ABCA13: variants seen among roughly 807,000 people sequenced by gnomAD.
The protein encoded by ABCA13 is ATP binding cassette subfamily A member 13.
A neutral mutation model predicts 478.7 loss-of-function variants in ABCA13; 476 were observed. The observed-to-expected ratio is 0.99, with a 90% CI of 0.92 to 1.07. The LOEUF (loss-of-function observed/expected upper bound fraction) is 1.07, where lower values mean the gene tolerates loss of function less well. ABCA13 is among the 50% of genes least tolerant of loss of function. The pLI, the probability that ABCA13 is intolerant of heterozygous loss-of-function variation, is 0.00. For missense variants in ABCA13, 6,060 were observed against 5,910.6 expected, an observed-to-expected ratio of 1.03 and a Z score of -0.83; for synonymous variants, 2,252 against 2,158.9, an observed-to-expected ratio of 1.04 and a Z score of -1.20.
At chr7:48,184,817 C>G (rs1204779579) in intron 1 of ABCA13, among the ~76,000 whole-genome samples, 1 of 151,942 alleles carries the variant, frequency 6.6e-6, no homozygotes, top group Admixed American at 6.6e-5. Context: ...AAGACTATCT[C>G]AAAAAAATAA....
chr7:48,272,610 G>GGCTCTT lies in ABCA13; in HGVS notation c.2945_2950dup (p.Ser983_Ser984insCysSer), dbSNP rs774274770. On this transcript the variant is annotated inframe_insertion, in exon 17 of 62. Coordinates refer to ENST00000435803, the MANE Select transcript of ABCA13 (RefSeq NM_152701.5). ...TGAATTATTGAATATTCAGAGTAGA[G>GGCTCTT]GCTCTTCGTTGACTTTCCTTACACA... 59 of 1,613,016 alleles carry GGCTCTT rather than the reference G, an allele frequency of 3.7e-5. No homozygotes were observed. Among genetic ancestry groups the GGCTCTT allele is most frequent in the Non-Finnish European group, 2.9e-5 (34 of 1,179,362 alleles).
At chr7:48,482,965 G>C (rs1828925765) in intron 46 of ABCA13, 111 bp from the exon 47 acceptor site, 2 of 751,670 alleles carry the variant, frequency 2.7e-6, no homozygotes, top group Non-Finnish European at 4.2e-6. Context: ...ATGCTCAGTT[G>C]GCTACTGTCC....
At chr7:48,221,222 T>C (rs1251149431) in intron 4 of ABCA13, 59 bp from the exon 5 acceptor site, 3 of 880,258 alleles carry the variant, frequency 3.4e-6, no homozygotes, top group African/African-American at 3.3e-5. Context: ...AGTAGGCATT[T>C]AGCATGTGCT....
At chr7:48,620,547 A>C (rs1461989816) in intron 59 of ABCA13, among the ~76,000 whole-genome samples, 1 of 152,166 alleles carries the variant, frequency 6.6e-6, no homozygotes, top group Admixed American at 6.5e-5. Flanking sequence ...ACAACTAAAA[A>C]TATCTCTTGA....
chr7:48,276,633 A>G, intron 17 of ABCA13, 68 bp downstream of exon 17: 3 of 1,298,704 alleles, frequency 2.3e-6, no homozygotes, highest in Non-Finnish European at 3.3e-6. Context: ...TATTTTCTGG[A>G]GTATAGACAT....
intron 55 of ABCA13, among the ~76,000 whole-genome samples, chr7:48,533,027 T>G (rs1833343469): frequency 6.6e-6 from 1 of 152,124 alleles, no homozygotes; most frequent in Non-Finnish European, 1.5e-5. Context: ...CTTCATTATT[T>G]CTTTTCTTCT....
chr7:48,250,571 A>T lies in ABCA13; in HGVS notation c.2005+1220A>T, dbSNP rs116916890. ...TTAGCAGCTATGTGCCTGTCAGGAAACAATGGCCTAGACCAAATATATATG... is the reference window on the plus strand; with the variant it reads ...TTAGCAGCTATGTGCCTGTCAGGAATCAATGGCCTAGACCAAATATATATG... On this transcript the variant is annotated intron_variant, in intron 15 of 61. Coordinates refer to ENST00000435803, the MANE Select transcript of ABCA13 (RefSeq NM_152701.5). 1.5e-4 allele frequency among the ~76,000 whole-genome samples: 23 copies of T among 152,336 alleles called. No individual in the cohort carries two copies. The East Asian group carries it at 4.4e-3, about 29-fold the overall frequency.
At chr7:48,251,640 AT>A (rs202113523) in intron 15 of ABCA13, among the ~76,000 whole-genome samples, 1 of 152,066 alleles carries the variant, frequency 6.6e-6, no homozygotes, top group African/African-American at 2.4e-5. Flanking sequence ...AAGAAACGGA[AT>A]TTAAAAAAAA....
intron 1 of ABCA13, among the ~76,000 whole-genome samples, chr7:48,173,825 T>C (rs964623302): frequency 1.3e-5 from 2 of 152,244 alleles, no homozygotes; most frequent in Non-Finnish European, 2.9e-5. Context: ...AGTTTGTACA[T>C]GTAATGTGCT....
At chr7:48,604,936 G>C (rs964984883) in intron 58 of ABCA13, among the ~76,000 whole-genome samples, 1 of 152,172 alleles carries the variant, frequency 6.6e-6, no homozygotes, top group Non-Finnish European at 1.5e-5. Flanking sequence ...AAATATTTAG[G>C]ATAGTTAGCT....
At chr7:48,254,597 T>G (rs1249847948) in intron 15 of ABCA13, among the ~76,000 whole-genome samples, 1 of 151,512 alleles carries the variant, frequency 6.6e-6, no homozygotes, top group Non-Finnish European at 1.5e-5. Flanking sequence ...AATGCGACAC[T>G]CTGCATGATT....
chr7:48,261,227 A>C (rs1345838575), intron 15 of ABCA13, among the ~76,000 whole-genome samples: 2 of 151,948 alleles, frequency 1.3e-5, no homozygotes, highest in Non-Finnish European at 2.9e-5. Flanking sequence ...CCTGTCTTCA[A>C]AAAGTTTGGG....
chr7:48,232,723 A>T (rs1302926623), intron 7 of ABCA13, among the ~76,000 whole-genome samples: 1 of 152,212 alleles, frequency 6.6e-6, no homozygotes, highest in Non-Finnish European at 1.5e-5. Context: ...GAAAGATTTT[A>T]TACTTTTATA....
chr7:48,341,928 C>T (rs1045605337), intron 29 of ABCA13, among the ~76,000 whole-genome samples: 31 of 89,758 alleles, frequency 3.5e-4, no homozygotes, highest in South Asian at 2.9e-3. Flanking sequence ...TATATATATA[C>T]TCATATATAT....
At chr7:48,202,556 A>G (rs1013886641) in intron 3 of ABCA13, among the ~76,000 whole-genome samples, 1 of 151,776 alleles carries the variant, frequency 6.6e-6, no homozygotes, top group African/African-American at 2.4e-5. Flanking sequence ...CTTGAGCTAA[A>G]CACAGGGTGC....
Position 48,403,760 on chromosome 7 carries a change from T to C in ABCA13, c.11951T>C (p.Leu3984Pro). Residue 3984 changes from leucine to proline, a missense_variant, in exon 39 of 62, where the codon CTC (leucine) becomes CCC (proline). Physicochemically the swap from Leu to Pro is moderately conservative, Grantham distance 98. Coordinates refer to ENST00000435803, the MANE Select transcript of ABCA13 (RefSeq NM_152701.5). ...RALSGGLKRKLSLGIAFMGMS... is the reference protein window; with the variant it reads ...RALSGGLKRKPSLGIAFMGMS... ...CTGTCTGGAGGCCTGAAGAGGAAGC[T>C]CTCCCTTGGCATTGCTTTCATGGGC... The C allele has an allele frequency of 6.2e-7, 1 of 1,613,994 alleles. No individual in the cohort carries two copies. The highest frequency in any genetic ancestry group is 1.6e-4 in the Middle Eastern group (1 of 6,062).
intron 11 of ABCA13, among the ~76,000 whole-genome samples, chr7:48,244,959 A>G (rs561188437): frequency 5.1e-4 from 78 of 152,292 alleles, no homozygotes; most frequent in African/African-American, 1.9e-3. Flanking sequence ...GGCCTATGAC[A>G]AGCAGTGTCC....
At chr7:48,638,815 A>T (rs193003019) in intron 59 of ABCA13, among the ~76,000 whole-genome samples, 2 of 152,308 alleles carry the variant, frequency 1.3e-5, no homozygotes, top group East Asian at 1.9e-4. Flanking sequence ...GTCCATGTAC[A>T]GGTGTGATAA....
intron 55 of ABCA13, among the ~76,000 whole-genome samples, chr7:48,545,177 G>A (rs1784711420): frequency 6.6e-6 from 1 of 151,918 alleles, no homozygotes; most frequent in South Asian, 2.1e-4. Flanking sequence ...TATGACTGCA[G>A]CTCTGCATGT....
Sources: allele counts gnomAD v4.1 joint callset (sites outside exome capture counted in the v4.1 genomes callset), GRCh38; gene constraint gnomAD v4.1.1; transcripts MANE v1.5; gene names NCBI Gene and HGNC (gene_info 2026-07-23, HGNC 2026-07-21).